The following CAMTA1 variants were observed in gnomAD, a reference collection of about 807,000 sequenced individuals.
CAMTA1 encodes the protein calmodulin-binding transcription activator 1.
CAMTA1 carries 27 observed loss-of-function variants against 170.9 expected under a neutral mutation model. The ratio of observed to expected loss-of-function variants is 0.16; its 90% CI spans 0.12 to 0.22. The LOEUF (loss-of-function observed/expected upper bound fraction) is 0.22, where lower values mean the gene tolerates loss of function less well. Among genes scored for constraint, CAMTA1 ranks in the 10% least tolerant of loss-of-function variants. The pLI is 1.00. For missense variants in CAMTA1, 1,619 were observed against 2,217.2 expected (o/e 0.73, Z 5.42); for synonymous variants, 833 against 891.5 (o/e 0.93, Z 1.17).
intron 6 of CAMTA1, among the ~76,000 whole-genome samples, chr1:7,627,653 C>T (rs2095642384): frequency 6.6e-6 from 1 of 152,218 alleles, no homozygotes; most frequent in Admixed American, 6.5e-5. Flanking sequence ...AGGCAGTTGT[C>T]TCTGGAGCAC....
chr1:7,402,406 A>G (rs1247813555), intron 5 of CAMTA1, among the ~76,000 whole-genome samples: 1 of 152,152 alleles, frequency 6.6e-6, no homozygotes, highest in African/African-American at 2.4e-5. Context: ...CTTCTGCTGC[A>G]TGACATTACC....
At chr1:7,723,534 CTTG>C (rs1368553280) in intron 11 of CAMTA1, among the ~76,000 whole-genome samples, 2 of 152,188 alleles carry the variant, frequency 1.3e-5, no homozygotes, top group East Asian at 1.9e-4. Context: ...TAGTTACCCT[CTTG>C]TTGTTGGGAC....
intron 5 of CAMTA1, among the ~76,000 whole-genome samples, chr1:7,270,224 T>C (rs75611782): frequency 0.21 from 23,182 of 111,588 alleles, 2,089 homozygotes; most frequent in East Asian, 0.39. Flanking sequence ...CATATATACA[T>C]ATATATACAC....
chr1:6,951,267 C>T (rs950933231), intron 3 of CAMTA1, among the ~76,000 whole-genome samples: 4 of 152,122 alleles, frequency 2.6e-5, no homozygotes, highest in African/African-American at 7.2e-5. Context: ...AGATGGGATT[C>T]GTTCCTTCAT....
At chr1:7,373,028 C>G (rs2086593032) in intron 5 of CAMTA1, among the ~76,000 whole-genome samples, 1 of 152,216 alleles carries the variant, frequency 6.6e-6, no homozygotes, top group African/African-American at 2.4e-5. Flanking sequence ...TTCTTGCCAG[C>G]TCCTTCCACC....
intron 8 of CAMTA1, among the ~76,000 whole-genome samples, chr1:7,663,151 G>A (rs1364635921): frequency 2.0e-5 from 3 of 152,186 alleles, no homozygotes; most frequent in Admixed American, 6.5e-5. Context: ...GGCGTGGGAC[G>A]GCCCCCGGGC....
intron 3 of CAMTA1, among the ~76,000 whole-genome samples, chr1:6,885,768 C>T (rs972443432): frequency 5.9e-5 from 9 of 152,186 alleles, no homozygotes; most frequent in Non-Finnish European, 5.9e-5. Context: ...GTGCAACATG[C>T]CCCACCCAGC....
At chr1:6,807,196 A>G in intron 1 of CAMTA1, 1 of 448,850 alleles carries the variant, frequency 2.2e-6, no homozygotes, top group Non-Finnish European at 4.0e-6. Flanking sequence ...AATTAAGGAG[A>G]AAAGTTCCAG....
chr1:7,504,602 T>G (rs1285964903), intron 6 of CAMTA1, among the ~76,000 whole-genome samples: 1 of 152,258 alleles, frequency 6.6e-6, no homozygotes, highest in African/African-American at 2.4e-5. Context: ...CCCACCTGCC[T>G]GCTCCACCTG....
At chr1:7,638,885 A>G (rs548974170) in intron 6 of CAMTA1, among the ~76,000 whole-genome samples, 24 of 152,244 alleles carry the variant, frequency 1.6e-4, no homozygotes, top group African/African-American at 5.1e-4. Context: ...GGCATGTCCT[A>G]TCTGAGCTCG....
At chr1:7,390,799 C>T (rs575365003) in intron 5 of CAMTA1, among the ~76,000 whole-genome samples, 3 of 152,248 alleles carry the variant, frequency 2.0e-5, no homozygotes. Flanking sequence ...AGAGCCTGTG[C>T]TCTGCACCGC....
In CAMTA1 at chr1:7,136,549, G is replaced by A. The variant is rs138900443; in HGVS notation, c.302+45178G>A. Reference sequence around the variant, plus strand: ...TTGAAAAAAAAAAGCCTTTCTTATTGCTACTGCCTGTCTCTCTCCTTCTGT... The same window carrying A: ...TTGAAAAAAAAAAGCCTTTCTTATTACTACTGCCTGTCTCTCTCCTTCTGT... On this transcript the variant is annotated intron_variant, in intron 4 of 22. Coordinates refer to ENST00000303635, the MANE Select transcript of CAMTA1 (RefSeq NM_015215.4). Among the ~76,000 whole-genome samples the A allele has an allele frequency of 3.5e-3, 529 of 150,214 alleles. 3 individuals are homozygous for A. Among genetic ancestry groups the A allele is most frequent in the African/African-American group, 0.012 (491 of 40,854 alleles).
chr1:6,931,651 G>A (rs1014368775), intron 3 of CAMTA1, among the ~76,000 whole-genome samples: 3 of 152,170 alleles, frequency 2.0e-5, no homozygotes, highest in Admixed American at 1.3e-4. Flanking sequence ...GGAAGTTGAG[G>A]CATTAAGCAT....
intron 4 of CAMTA1, among the ~76,000 whole-genome samples, chr1:7,127,247 C>CTTTTTTTT (rs61211407): frequency 2.0e-4 from 15 of 73,500 alleles, no homozygotes; most frequent in East Asian, 5.0e-4. Context: ...GCCAGAGGGG[C>CTTTTTTTT]TTTTTTTTTT....
At chr1:7,099,246 T>C (rs1642440854) in intron 4 of CAMTA1, among the ~76,000 whole-genome samples, 1 of 152,298 alleles carries the variant, frequency 6.6e-6, no homozygotes, top group African/African-American at 2.4e-5. Context: ...AGATGGGGTT[T>C]CACCCTGTTG....
At chr1:7,229,615 G>T (rs1662350544) in intron 4 of CAMTA1, among the ~76,000 whole-genome samples, 2 of 141,490 alleles carry the variant, frequency 1.4e-5, no homozygotes, top group Non-Finnish European at 3.1e-5. Context: ...GGGAGGCTAG[G>T]AGGAGAGGGG....
chr1:7,346,390 C>A (rs776413787), intron 5 of CAMTA1, among the ~76,000 whole-genome samples: 2 of 152,154 alleles, frequency 1.3e-5, no homozygotes, highest in Admixed American at 6.5e-5. Context: ...CGAAGGCATT[C>A]GATGACTCTG....
rs1429221277 is a variant in CAMTA1 at position 7,738,812 on chromosome 1, G to A, written c.4182+330G>A. Among the ~76,000 whole-genome samples, 1 of 152,044 alleles carries A rather than the reference G, an allele frequency of 6.6e-6. No homozygotes were observed. The highest frequency in any genetic ancestry group is 1.5e-5 in the Non-Finnish European group (1 of 68,010). On this transcript the variant is annotated intron_variant, in intron 16 of 22. Transcript: ENST00000303635. This position sits in a 1 kb window ranked among gnomAD's most constrained non-coding sequence, Gnocchi z 4.9. Reference sequence around the variant, plus strand: ...AGGTTGATTGATTTCACTGTTTTAAGTACTAGTTACTAGTTAGAATATAGT... The same window carrying A: ...AGGTTGATTGATTTCACTGTTTTAAATACTAGTTACTAGTTAGAATATAGT...
chr1:7,320,649 GTTTTTTTTTTT>G (rs55683398), intron 5 of CAMTA1, among the ~76,000 whole-genome samples: 1 of 80,292 alleles, frequency 1.2e-5, no homozygotes, highest in East Asian at 3.6e-4. Flanking sequence ...TGCTGTGTGT[GTTTTTTTTTTT>G]TTTTTTTTTT....
Sources: allele counts gnomAD v4.1 joint callset (sites outside exome capture counted in the v4.1 genomes callset), GRCh38; gene constraint gnomAD v4.1.1; non-coding constraint Gnocchi (gnomAD v3.1); transcripts MANE v1.5; gene names NCBI Gene and HGNC (gene_info 2026-07-23, HGNC 2026-07-21).